The following XIRP2 variants were observed in gnomAD, a reference collection of about 807,000 sequenced individuals.
The protein encoded by XIRP2 is xin actin binding repeat containing 2.
In XIRP2, 236 loss-of-function variants were observed where a neutral mutation model predicts 277.0. The observed-to-expected ratio is 0.85, with a 90% CI of 0.77 to 0.95. The LOEUF is 0.95. Among genes scored for constraint, XIRP2 ranks in the 40% least tolerant of loss-of-function variants. XIRP2 has a pLI of 0.00. For missense variants in XIRP2, 4,640 were observed against 4,157.5 expected, an observed-to-expected ratio of 1.12 and a Z score of -3.19; for synonymous variants, 1,490 against 1,416.5, an observed-to-expected ratio of 1.05 and a Z score of -1.17.
chr2:166,920,364 T>C (rs1445208974), intron 2 of XIRP2, among the ~76,000 whole-genome samples: 1 of 152,136 alleles, frequency 6.6e-6, no homozygotes, highest in East Asian at 1.9e-4. Context: ...AAAATACTGC[T>C]CTCTAGATGA....
chr2:167,245,127 C>G lies in XIRP2; in HGVS notation c.3735C>G (p.Asn1245Lys), dbSNP rs1379470423. The G allele has an allele frequency of 6.2e-7, 1 of 1,610,108 alleles. No individual in the cohort carries two copies. Among genetic ancestry groups the G allele is most frequent in the African/African-American group, 1.3e-5 (1 of 74,362 alleles). Reference protein sequence around the residue: ...NVLNCRWLFENQPIDKIKESQ... With the variant: ...NVLNCRWLFEKQPIDKIKESQ... ...TAAATTGTAGGTGGCTTTTTGAAAACCAACCAATTGATAAGATAAAAGAAA... is the reference window on the plus strand; with the variant it reads ...TAAATTGTAGGTGGCTTTTTGAAAAGCAACCAATTGATAAGATAAAAGAAA... Residue 1245 changes from asparagine to lysine, a missense_variant, in exon 9 of 11, where the codon AAC becomes AAG. Asn to Lys is a moderately conservative substitution (Grantham distance 94, BLOSUM62 0). Transcript: ENST00000409195.
At chr2:166,900,718 G>A (rs1289216314) in intron 1 of XIRP2, among the ~76,000 whole-genome samples, 1 of 152,084 alleles carries the variant, frequency 6.6e-6, no homozygotes, top group East Asian at 1.9e-4. Flanking sequence ...AAAGTTGGGA[G>A]GCCCCTCTTT....
At chr2:166,957,031 A>T (rs1686180549) in intron 2 of XIRP2, among the ~76,000 whole-genome samples, 1 of 151,830 alleles carries the variant, frequency 6.6e-6, no homozygotes, top group Non-Finnish European at 1.5e-5. Flanking sequence ...ATATAATGTT[A>T]CACCCTCTTT....
At chr2:166,973,667 T>G (rs999005236) in intron 2 of XIRP2, among the ~76,000 whole-genome samples, 23 of 152,182 alleles carry the variant, frequency 1.5e-4, no homozygotes, top group Admixed American at 1.1e-3. Context: ...CTTCAGAATC[T>G]CAGTCCCCCA....
intron 2 of XIRP2, among the ~76,000 whole-genome samples, chr2:166,978,632 T>C (rs1007122103): frequency 1.3e-5 from 2 of 152,222 alleles, no homozygotes; most frequent in African/African-American, 4.8e-5. Context: ...GATATTTTTG[T>C]GAAAGAAATT....
chr2:167,241,695 C>A (rs1695071247), intron 7 of XIRP2, 82 bp from the exon 8 acceptor site: 6 of 1,452,336 alleles, frequency 4.1e-6, no homozygotes, highest in Admixed American at 2.3e-5. Flanking sequence ...CAGGAATGAG[C>A]CACCATGCCC....
chr2:166,897,143 C>T (rs72882736), intron 1 of XIRP2, among the ~76,000 whole-genome samples: 11 of 152,306 alleles, frequency 7.2e-5, no homozygotes, highest in Non-Finnish European at 1.5e-4. Flanking sequence ...TTCTTTCTTT[C>T]TGAAAGACTT....
Position 167,052,004 on chromosome 2 carries a change from T to C in XIRP2, c.409-83905T>C, listed in dbSNP as rs74892111. ...TTTTCATTTCAAGTGTTTAAGCATA[T>C]TTTTGGGTTATTTTATTGCTAAGAA... On this transcript the variant is annotated intron_variant, in intron 2 of 10. Transcript: ENST00000409195. Among the ~76,000 whole-genome samples, 616 of 152,208 alleles carry C rather than the reference T, an allele frequency of 4.0e-3. 34 individuals are homozygous for C. The East Asian group carries it at 0.095, about 24-fold the overall frequency.
At chr2:167,202,184 A>G (rs756370209) in intron 3 of XIRP2, among the ~76,000 whole-genome samples, 41 of 152,204 alleles carry the variant, frequency 2.7e-4, no homozygotes, top group Non-Finnish European at 4.7e-4. Context: ...ATTCTAATTT[A>G]TTAGACTAGT....
chr2:167,231,889 G>A (rs890400484), intron 5 of XIRP2, among the ~76,000 whole-genome samples: 5 of 151,996 alleles, frequency 3.3e-5, no homozygotes, highest in African/African-American at 1.2e-4. Context: ...GTCAGTGAAT[G>A]TGTCTGGGGC....
intron 2 of XIRP2, among the ~76,000 whole-genome samples, chr2:167,052,617 T>C (rs1166165171): frequency 6.6e-6 from 1 of 152,216 alleles, no homozygotes; most frequent in East Asian, 1.9e-4. Flanking sequence ...TGTAAAATGA[T>C]GATTTATTTA....
chr2:167,065,572 G>A (rs1689282455), intron 2 of XIRP2, among the ~76,000 whole-genome samples: 1 of 151,566 alleles, frequency 6.6e-6, no homozygotes, highest in African/African-American at 2.4e-5. Flanking sequence ...TGTTCTTGGT[G>A]TTATATCCAA....
chr2:167,108,940 G>T (rs891111171), intron 2 of XIRP2, among the ~76,000 whole-genome samples: 2 of 151,912 alleles, frequency 1.3e-5, no homozygotes, highest in African/African-American at 4.8e-5. Context: ...TGTCAAGGGG[G>T]TTTGGTGTAC....
intron 2 of XIRP2, among the ~76,000 whole-genome samples, chr2:166,981,908 T>C (rs1686879877): frequency 6.6e-6 from 1 of 152,178 alleles, no homozygotes; most frequent in African/African-American, 2.4e-5. Context: ...GATGAAAACA[T>C]ATTTGTGTTT....
At chr2:167,201,204 AAGAAAGAAAGAAAGAAAGAAAG>A (rs1693684182) in intron 3 of XIRP2, among the ~76,000 whole-genome samples, 1 of 51,898 alleles carries the variant, frequency 1.9e-5, no homozygotes, top group East Asian at 5.8e-4. Context: ...GAAAGAAAGA[AAGAAAGAAAGAAAGAAAGAAAG>A]AAAGAAAGAA....
intron 2 of XIRP2, among the ~76,000 whole-genome samples, chr2:167,101,590 GTTACTTCAC>G (rs1690489308): frequency 1.3e-5 from 2 of 152,126 alleles, no homozygotes; most frequent in Admixed American, 1.3e-4. Flanking sequence ...CCATTCCTGA[GTTACTTCAC>G]TTCGCATAAT....
chr2:167,011,140 G>C (rs1252051647), intron 2 of XIRP2, among the ~76,000 whole-genome samples: 8 of 149,244 alleles, frequency 5.4e-5, no homozygotes, highest in Admixed American at 4.0e-4. Context: ...GGGCATCCCT[G>C]TCTTGTGCCA....
intron 5 of XIRP2, among the ~76,000 whole-genome samples, chr2:167,220,686 G>A (rs930410144): frequency 5.3e-5 from 8 of 152,128 alleles, no homozygotes; most frequent in Admixed American, 3.9e-4. Context: ...TGTTGGCTCC[G>A]AATGGAATAT....
chr2:167,061,270 A>C (rs886269947), intron 2 of XIRP2, among the ~76,000 whole-genome samples: 1 of 152,112 alleles, frequency 6.6e-6, no homozygotes, highest in Non-Finnish European at 1.5e-5. Context: ...AAGAATTTCT[A>C]CATGAACAAT....
Sources: allele counts gnomAD v4.1 joint callset (sites outside exome capture counted in the v4.1 genomes callset), GRCh38; gene constraint gnomAD v4.1.1; transcripts MANE v1.5; gene names NCBI Gene and HGNC (gene_info 2026-07-23, HGNC 2026-07-21).